TRPM3: variants seen among roughly 807,000 people sequenced by gnomAD.
TRPM3 encodes long transient receptor potential channel 3.
A neutral mutation model predicts 181.2 loss-of-function variants in TRPM3; 77 were observed. The ratio of observed to expected loss-of-function variants is 0.42; its 90% CI spans 0.35 to 0.51. The LOEUF (loss-of-function observed/expected upper bound fraction) is 0.51, where lower values mean the gene tolerates loss of function less well. TRPM3 is among the 20% of genes least tolerant of loss of function. TRPM3 has a pLI of 0.01. For synonymous variants in TRPM3, 745 were observed against 796.4 expected (o/e 0.94, Z 1.09); for missense variants, 1,759 against 2,196.7 (o/e 0.80, Z 3.98).
chr9:71,133,900 T>C (rs1285885532), intron 1 of TRPM3, among the ~76,000 whole-genome samples: 1 of 152,160 alleles, frequency 6.6e-6, no homozygotes, highest in African/African-American at 2.4e-5. Flanking sequence ...TAAGCTGCTT[T>C]GAAAACCACC....
chr9:70,841,656 AT>A (rs1564540497), intron 5 of TRPM3, among the ~76,000 whole-genome samples: 4,274 of 120,104 alleles, frequency 0.036, 162 homozygotes, highest in South Asian at 0.058. Context: ...ATATATATAT[AT>A]ATATCCCACC....
chr9:71,069,322 A>G (rs932090100), intron 1 of TRPM3, among the ~76,000 whole-genome samples: 1 of 151,954 alleles, frequency 6.6e-6, no homozygotes, highest in Non-Finnish European at 1.5e-5. Context: ...GACTACAGGC[A>G]TGCACCACTG....
At chr9:71,320,955 C>T (rs1326142005) in intron 1 of TRPM3, among the ~76,000 whole-genome samples, 1 of 152,086 alleles carries the variant, frequency 6.6e-6, no homozygotes, top group Non-Finnish European at 1.5e-5. Flanking sequence ...CCTCATCCTC[C>T]TCCCACATCG....
chr9:70,700,434 T>C (rs2072122372), intron 8 of TRPM3, among the ~76,000 whole-genome samples: 1 of 152,102 alleles, frequency 6.6e-6, no homozygotes, highest in Non-Finnish European at 1.5e-5. Flanking sequence ...AGGGGGGCGA[T>C]GAATCAGACA....
chr9:71,402,690 T>C (rs2093363686), intron 1 of TRPM3, among the ~76,000 whole-genome samples: 1 of 152,200 alleles, frequency 6.6e-6, no homozygotes, highest in Non-Finnish European at 1.5e-5. Flanking sequence ...TTGTACTCCT[T>C]GGTAGGGAAA....
intron 1 of TRPM3, among the ~76,000 whole-genome samples, chr9:71,035,215 A>G (rs1213138998): frequency 6.6e-6 from 1 of 152,220 alleles, no homozygotes; most frequent in Non-Finnish European, 1.5e-5. Context: ...AGTAACCAGC[A>G]ATTTATAGAG....
intron 1 of TRPM3, among the ~76,000 whole-genome samples, chr9:70,895,337 G>A (rs1361680505): frequency 6.6e-6 from 1 of 152,078 alleles, no homozygotes; most frequent in African/African-American, 2.4e-5. Context: ...ATTCTGAATA[G>A]GCACATCTCT....
chr9:71,354,371 A>T (rs1375574893), intron 1 of TRPM3, among the ~76,000 whole-genome samples: 1 of 152,158 alleles, frequency 6.6e-6, no homozygotes, highest in Non-Finnish European at 1.5e-5. Context: ...CCCGCATCCC[A>T]TCCACCCACA....
chr9:71,257,346 CGGA>C (rs1294161539), intron 1 of TRPM3, among the ~76,000 whole-genome samples: 1 of 152,016 alleles, frequency 6.6e-6, no homozygotes, highest in Non-Finnish European at 1.5e-5. Flanking sequence ...GAGTAGAAGA[CGGA>C]TCCCAGGTTG....
At chr9:71,031,969 ATATT>A (rs1455318388) in intron 1 of TRPM3, among the ~76,000 whole-genome samples, 4 of 148 alleles carry the variant, frequency 0.027, no homozygotes, top group Non-Finnish European at 0.037. Context: ...TTATATATAT[ATATT>A]ATATATATAT....
chr9:71,166,747 G>C (rs1313114296), intron 1 of TRPM3, among the ~76,000 whole-genome samples: 1 of 152,210 alleles, frequency 6.6e-6, no homozygotes, highest in Non-Finnish European at 1.5e-5. Flanking sequence ...TGTTAATGTA[G>C]AAGCTCAAAT....
At position 70,685,670 on chromosome 9, in the gene TRPM3, G is replaced by A. The variant is rs190155642; in HGVS notation, c.1273-4092C>T. ...CATCCTCACACCTTGGCCTCTCAAA[G>A]TGTTGGGATTACAGGCATGAGACAC... On this transcript the variant is annotated intron_variant, in intron 8 of 25. Coordinates refer to ENST00000677713, the MANE Select transcript of TRPM3 (RefSeq NM_001366145.2). 2.0e-3 allele frequency among the ~76,000 whole-genome samples: 300 copies of A among 152,258 alleles called. 2 individuals carry two copies. The highest frequency in any genetic ancestry group is 6.9e-3 in the African/African-American group (286 of 41,554).
At chr9:71,309,426 A>G (rs934026983) in intron 1 of TRPM3, among the ~76,000 whole-genome samples, 2 of 152,204 alleles carry the variant, frequency 1.3e-5, no homozygotes, top group Non-Finnish European at 1.5e-5. Context: ...CAAAATGGAC[A>G]TATCTCAATA....
At chr9:71,296,287 C>T (rs147167197) in intron 1 of TRPM3, among the ~76,000 whole-genome samples, 20 of 152,212 alleles carry the variant, frequency 1.3e-4, no homozygotes, top group African/African-American at 4.3e-4. Flanking sequence ...AAGGTCCCTA[C>T]CCCCTTGCAG....
chr9:71,192,125 A>G (rs184881842), intron 1 of TRPM3, among the ~76,000 whole-genome samples: 132 of 152,014 alleles, frequency 8.7e-4, no homozygotes, highest in Middle Eastern at 3.4e-3. Context: ...AAAAGCACAT[A>G]TTATTAAATA....
intron 1 of TRPM3, among the ~76,000 whole-genome samples, chr9:71,385,552 C>T (rs2092904943): frequency 6.6e-6 from 1 of 152,094 alleles, no homozygotes; most frequent in Non-Finnish European, 1.5e-5. Flanking sequence ...GGCTTATTTC[C>T]AGTTTTTCAC....
chr9:70,976,606 T>C (rs934229409), intron 1 of TRPM3, among the ~76,000 whole-genome samples: 3 of 152,196 alleles, frequency 2.0e-5, no homozygotes, highest in South Asian at 2.1e-4. Context: ...GTCTTTAAAA[T>C]GGCAGTATGA....
chr9:70,589,495 G>T (rs1411579247), intron 22 of TRPM3, among the ~76,000 whole-genome samples: 3 of 152,146 alleles, frequency 2.0e-5, no homozygotes, highest in Admixed American at 1.3e-4. Context: ...ACAATTTCTT[G>T]GGGGGAAATA....
At chr9:70,980,224 C>T (rs778701396) in intron 1 of TRPM3, among the ~76,000 whole-genome samples, 19 of 152,086 alleles carry the variant, frequency 1.2e-4, no homozygotes, top group Non-Finnish European at 2.4e-4. Context: ...ATCAGCAACA[C>T]CTCTTTTCAT....
Sources: allele counts gnomAD v4.1 joint callset (sites outside exome capture counted in the v4.1 genomes callset), GRCh38; gene constraint gnomAD v4.1.1; transcripts MANE v1.5; gene names NCBI Gene and HGNC (gene_info 2026-07-23, HGNC 2026-07-21).